Variants in NLGN1 observed in about 807,000 individuals in gnomAD.
The protein encoded by NLGN1 is neuroligin 1.
In NLGN1, 12 loss-of-function variants were observed where a neutral mutation model predicts 65.5. The ratio of observed to expected loss-of-function variants is 0.18; its 90% confidence interval spans 0.12 to 0.30. The LOEUF is 0.30. NLGN1 is among the 10% of genes least tolerant of loss of function. The pLI is 1.00. For missense variants in NLGN1, 750 were observed against 1,007.1 expected (o/e 0.74, Z 3.46); for synonymous variants, 350 against 359.5 (o/e 0.97, Z 0.30).
At chr3:173,489,988 C>T (rs574174124) in intron 2 of NLGN1, among the ~76,000 whole-genome samples, 16 of 152,134 alleles carry the variant, frequency 1.1e-4, no homozygotes, top group Middle Eastern at 3.4e-3. Flanking sequence ...GATATTAGCC[C>T]GTTGTCAGAT....
chr3:173,490,964 A>C (rs1311082148), intron 2 of NLGN1, among the ~76,000 whole-genome samples: 1 of 151,974 alleles, frequency 6.6e-6, no homozygotes, highest in Non-Finnish European at 1.5e-5. Context: ...GACTTTGCTG[A>C]AGTTGCTTAT....
At chr3:173,443,243 A>G (rs1719534039) in intron 2 of NLGN1, among the ~76,000 whole-genome samples, 1 of 148,704 alleles carries the variant, frequency 6.7e-6, no homozygotes, top group Non-Finnish European at 1.5e-5. Flanking sequence ...CCCTGTCTCC[A>G]AAAAAAAAGA....
In NLGN1 at chr3:173,861,550, GTGTGTGTA is replaced by G. The variant is rs1293683025; in HGVS notation, c.646+53720_646+53727del. On this transcript the variant is annotated intron_variant, in intron 4 of 6. Coordinates refer to ENST00000457714, the Ensembl canonical transcript of NLGN1. ...TGTGTGTGTGTGTGTGTGTGTGTGT[GTGTGTGTA>G]TATACACACACACATATATATACAC... Among the ~76,000 whole-genome samples, 784 of 127,684 alleles carry G rather than the reference GTGTGTGTA, an allele frequency of 6.1e-3. 4 individuals carry two copies. The highest frequency in any genetic ancestry group is 0.01 in the African/African-American group (310 of 30,614). 83.8% of individuals were successfully genotyped at this position (127,684 alleles called of 152,430 possible). A position where few individuals can be genotyped will look rare whatever the true frequency, so the allele number is the denominator to read the frequency against.
intron 3 of NLGN1, among the ~76,000 whole-genome samples, chr3:173,685,454 C>T (rs1214426495): frequency 6.6e-6 from 1 of 152,142 alleles, no homozygotes; most frequent in African/African-American, 2.4e-5. Flanking sequence ...TAAAAATGCT[C>T]CCATGATTCC....
At chr3:173,862,603 A>G (rs1030546301) in intron 4 of NLGN1, among the ~76,000 whole-genome samples, 3 of 151,788 alleles carry the variant, frequency 2.0e-5, no homozygotes, top group South Asian at 4.1e-4. Context: ...GGGTACGCAT[A>G]TATGTTTGTA....
intron 1 of NLGN1, among the ~76,000 whole-genome samples, chr3:173,427,105 GGT>G (rs1716250329): frequency 6.6e-6 from 1 of 151,588 alleles, no homozygotes. Context: ...CTAATTTGTT[GGT>G]GTATGGTTCT....
chr3:173,560,867 T>C (rs1425811373), intron 2 of NLGN1, among the ~76,000 whole-genome samples: 1 of 152,168 alleles, frequency 6.6e-6, no homozygotes. Context: ...CATATCTATA[T>C]CTTTCTTTCT....
At chr3:173,537,787 C>T (rs936341688) in intron 2 of NLGN1, among the ~76,000 whole-genome samples, 10 of 152,104 alleles carry the variant, frequency 6.6e-5, no homozygotes, top group African/African-American at 1.7e-4. Flanking sequence ...ATGCACAGGA[C>T]ATAGTGATAT....
intron 4 of NLGN1, among the ~76,000 whole-genome samples, chr3:174,045,141 A>G (rs987153745): frequency 3.9e-4 from 60 of 152,180 alleles, no homozygotes; most frequent in Admixed American, 1.3e-3. Context: ...CCTTACAGCA[A>G]TGCCCCACTA....
intron 2 of NLGN1, among the ~76,000 whole-genome samples, chr3:173,510,204 A>G (rs762909964): frequency 1.3e-5 from 2 of 152,352 alleles, no homozygotes; most frequent in East Asian, 3.9e-4. Flanking sequence ...GAGAACAAGT[A>G]GAGAAACTGA....
intron 3 of NLGN1, among the ~76,000 whole-genome samples, chr3:173,743,319 A>C (rs1431396118): frequency 6.6e-6 from 1 of 152,144 alleles, no homozygotes; most frequent in Non-Finnish European, 1.5e-5. Context: ...CTTGTCCTAG[A>C]GTGTAGTCTA....
chr3:173,832,138 A>C (rs898878999), intron 4 of NLGN1, among the ~76,000 whole-genome samples: 8 of 151,846 alleles, frequency 5.3e-5, no homozygotes, highest in African/African-American at 1.5e-4. Flanking sequence ...AAAAAAAAAA[A>C]AAAACTGTAG....
chr3:173,604,709 G>C (rs750281465), exon 3 of NLGN1: 1 of 1,613,758 alleles, frequency 6.2e-7, no homozygotes, highest in Non-Finnish European at 8.5e-7. Flanking sequence ...TGGGATGTTT[G>C]CTTCAGGCTG....
chr3:174,030,099 C>CT (rs1294386728), intron 4 of NLGN1, among the ~76,000 whole-genome samples: 2 of 149,156 alleles, frequency 1.3e-5, no homozygotes, highest in Non-Finnish European at 3.0e-5. Context: ...TCATTTAATC[C>CT]TTATGACCAC....
At chr3:173,603,294 C>T (rs892770785) in intron 2 of NLGN1, among the ~76,000 whole-genome samples, 2 of 152,100 alleles carry the variant, frequency 1.3e-5, no homozygotes, top group Non-Finnish European at 1.5e-5. Flanking sequence ...CTGTGGATTA[C>T]GTTGCACTGA....
At chr3:174,197,592 G>C (rs6781218) in intron 4 of NLGN1, among the ~76,000 whole-genome samples, 30,343 of 149,656 alleles carry the variant, frequency 0.2, 3,535 homozygotes, top group African/African-American at 0.3. Flanking sequence ...GACTAAGAGA[G>C]GGAGGTGATT....
At chr3:173,537,498 GTGTGTGTGTT>G (rs1215933769) in intron 2 of NLGN1, among the ~76,000 whole-genome samples, 4 of 151,790 alleles carry the variant, frequency 2.6e-5, no homozygotes, top group Non-Finnish European at 4.4e-5. Flanking sequence ...GTGTGTGTGT[GTGTGTGTGTT>G]TGTGTGTGTG....
chr3:173,522,754 C>A (rs1028082240), intron 2 of NLGN1, among the ~76,000 whole-genome samples: 17 of 152,016 alleles, frequency 1.1e-4, no homozygotes, highest in Admixed American at 7.2e-4. Context: ...TTTTTAAATA[C>A]AATTATTTCT....
chr3:174,084,243 G>A (rs1403058619), intron 4 of NLGN1, among the ~76,000 whole-genome samples: 1 of 152,044 alleles, frequency 6.6e-6, no homozygotes, highest in Admixed American at 6.6e-5. Context: ...TTTAAAAAAA[G>A]AGTTTTCCTC....
Sources: gnomAD v4.1 joint callset for allele counts (sites outside exome capture counted in the v4.1 genomes callset) on GRCh38, gnomAD v4.1.1 for gene constraint, MANE v1.5 for transcripts, NCBI Gene and HGNC (gene_info 2026-07-23, HGNC 2026-07-21) for gene names.